DNAJB4: variants seen among roughly 807,000 people sequenced by gnomAD.
The protein encoded by DNAJB4 is dnaJ homolog subfamily B member 4.
In DNAJB4, 10 loss-of-function variants were observed where a neutral mutation model predicts 26.6. That is an observed-to-expected ratio of 0.38 (90% CI 0.23 to 0.64). The LOEUF is 0.64. DNAJB4 is among the 30% of genes least tolerant of loss of function. The probability of loss-of-function intolerance (pLI) is 0.58; values close to 1 mark genes in which losing one functional copy is unlikely to be tolerated. For missense variants in DNAJB4, 328 were observed against 408.2 expected (o/e 0.80, Z 1.69); for synonymous variants, 136 against 134.8 (o/e 1.01, Z -0.06).
intron 1 of DNAJB4, 110 bp downstream of exon 1, chr1:78,005,431 T>C: frequency 1.1e-6 from 1 of 907,544 alleles, no homozygotes; most frequent in Non-Finnish European, 1.6e-6. Context: ...AGGTTATCCT[T>C]AAATTGGATT....
Position 78,016,375 on chromosome 1 carries a change from T to C in DNAJB4, c.*128T>C. 1 of 772,578 alleles carries C rather than the reference T, an allele frequency of 1.3e-6. No homozygotes were observed. The highest frequency in any genetic ancestry group is 2.0e-6 in the Non-Finnish European group (1 of 492,480). The allele number at this position is 772,578 out of a possible 1,614,324, so 47.9% of individuals were successfully genotyped here. A position where few individuals can be genotyped will look rare whatever the true frequency, so the allele number is the denominator to read the frequency against. ...TCTTTTGAGGGTTCATTAAATTGCATGAATAGAGACGGGTCAAATAAATAG... is the reference window on the plus strand; with the variant it reads ...TCTTTTGAGGGTTCATTAAATTGCACGAATAGAGACGGGTCAAATAAATAG... On this transcript the variant is annotated 3_prime_UTR_variant, in exon 3 of 3. Coordinates refer to ENST00000370763, the MANE Select transcript of DNAJB4 (RefSeq NM_007034.5).
chr1:78,006,694 A>C (rs1660337469), intron 1 of DNAJB4, among the ~76,000 whole-genome samples: 1 of 152,158 alleles, frequency 6.6e-6, no homozygotes, highest in Admixed American at 6.5e-5. Context: ...GTAAATATTG[A>C]AAAAGGCAAA....
chr1:77,992,459 A>AAT (rs1659956184), intron 1 of DNAJB4, among the ~76,000 whole-genome samples: 1 of 151,362 alleles, frequency 6.6e-6, no homozygotes, highest in Non-Finnish European at 1.5e-5. Flanking sequence ...ATGAGAATCA[A>AAT]CTACTTCAGG....
intron 1 of DNAJB4, among the ~76,000 whole-genome samples, chr1:78,009,369 AT>A (rs1660409059): frequency 6.6e-6 from 1 of 152,180 alleles, no homozygotes; most frequent in South Asian, 2.1e-4. Context: ...AGTGGGAATC[AT>A]TGTTATAGAT....
Position 78,016,140 on chromosome 1 carries a change from A to T in DNAJB4, c.907A>T (p.Asn303Tyr). ...IIGYGLPFPK[N>Y]PDQRGDLLIE... is the part of the protein sequence containing the mutation. ...TGGATATGGGCTGCCATTTCCAAAAAATCCTGACCAACGTGGTGACCTTCT... is the reference window on the plus strand; with the variant it reads ...TGGATATGGGCTGCCATTTCCAAAATATCCTGACCAACGTGGTGACCTTCT... The change falls in exon 3 of 3, where the codon AAT (asparagine) becomes TAT (tyrosine). Residue 303 changes from asparagine (N) to tyrosine (Y), a missense_variant. Physicochemically the swap from Asn to Tyr is moderately radical, Grantham distance 143 (BLOSUM62 -2). Transcript: ENST00000370763. 1 of 1,614,184 alleles carries T rather than the reference A, an allele frequency of 6.2e-7. No homozygotes were observed. Among genetic ancestry groups the T allele is most frequent in the Middle Eastern group, 1.6e-4 (1 of 6,062 alleles).
intron 1 of DNAJB4, among the ~76,000 whole-genome samples, chr1:77,980,968 C>G (rs944139510): frequency 6.6e-6 from 1 of 151,972 alleles, no homozygotes; most frequent in African/African-American, 2.4e-5. Context: ...GTTGGGTGTG[C>G]GGCTAGGTAG....
chr1:77,988,081 A>G (rs1210669131), intron 1 of DNAJB4, among the ~76,000 whole-genome samples: 7 of 130,508 alleles, frequency 5.4e-5, no homozygotes, highest in Non-Finnish European at 1.1e-4. Context: ...GCTTGAGTGC[A>G]GTGTATAATC....
intron 1 of DNAJB4, among the ~76,000 whole-genome samples, chr1:78,007,290 C>G (rs544022076): frequency 6.6e-6 from 1 of 151,928 alleles, no homozygotes; most frequent in Non-Finnish European, 1.5e-5. Flanking sequence ...CTTGAAAATA[C>G]AATTGAATGG....
At chr1:77,983,707 G>T (rs558690025) in intron 1 of DNAJB4, among the ~76,000 whole-genome samples, 5 of 152,228 alleles carry the variant, frequency 3.3e-5, no homozygotes, top group Non-Finnish European at 7.4e-5. Context: ...AGGGTTGGGG[G>T]TAAGGTTATA....
At chr1:78,000,268 T>C (rs1405859412), upstream of DNAJB4, among the ~76,000 whole-genome samples, 1 of 152,218 alleles carries the variant, frequency 6.6e-6, no homozygotes, top group African/African-American at 2.4e-5. Flanking sequence ...GCCAGCACTT[T>C]GGTATTCCTC....
At chr1:78,001,438 G>C (rs1290668243), upstream of DNAJB4, among the ~76,000 whole-genome samples, 1 of 152,060 alleles carries the variant, frequency 6.6e-6, no homozygotes, top group Non-Finnish European at 1.5e-5. Context: ...TAAAATATGA[G>C]AAGTCATTTG....
intron 1 of DNAJB4, among the ~76,000 whole-genome samples, chr1:78,006,475 A>T (rs982802124): frequency 6.6e-6 from 1 of 152,174 alleles, no homozygotes; most frequent in Non-Finnish European, 1.5e-5. Flanking sequence ...AAATTTTCCT[A>T]ATTAGAAATA....
upstream of DNAJB4, among the ~76,000 whole-genome samples, chr1:78,002,095 A>G (rs1322941361): frequency 6.6e-6 from 1 of 152,200 alleles, no homozygotes. Context: ...TATTCCATAT[A>G]GACTATTTCT....
intron 2 of DNAJB4, among the ~76,000 whole-genome samples, chr1:78,014,422 C>T (rs1660579322): frequency 6.6e-6 from 1 of 151,766 alleles, no homozygotes; most frequent in Non-Finnish European, 1.5e-5. Context: ...TGTACTATTT[C>T]TCAAATTGGA....
In DNAJB4 at chr1:78,017,751, A is replaced by G. The variant is rs1365752335; in HGVS notation, c.*1504A>G. ...TGTTCTGGACATTTCACATAAATAG[A>G]CTCAAACAATATATGGCTTTTTTTT... On this transcript the variant is annotated 3_prime_UTR_variant, in exon 3 of 3. Transcript: ENST00000370763. 1 of 142,406 alleles carries G rather than the reference A, an allele frequency of 7.0e-6. No homozygotes were observed. Among genetic ancestry groups the G allele is most frequent in the African/African-American group, 2.6e-5 (1 of 38,268 alleles). 8.8% of individuals were successfully genotyped at this position (142,406 alleles called of 1,614,324 possible).
chr1:77,992,409 T>C (rs1362284371), intron 1 of DNAJB4, among the ~76,000 whole-genome samples: 1 of 26,320 alleles, frequency 3.8e-5, no homozygotes, highest in Admixed American at 6.3e-4. Context: ...CGAGACTCCG[T>C]CTCAAAAAAA....
At chr1:77,982,722 CG>C (rs1659687042) in intron 1 of DNAJB4, among the ~76,000 whole-genome samples, 1 of 152,192 alleles carries the variant, frequency 6.6e-6, no homozygotes, top group African/African-American at 2.4e-5. Context: ...TGCCTGAACC[CG>C]GGACGGGGAG....
chr1:77,989,849 G>A (rs1209953404), intron 1 of DNAJB4, among the ~76,000 whole-genome samples: 1 of 152,192 alleles, frequency 6.6e-6, no homozygotes, highest in Non-Finnish European at 1.5e-5. Flanking sequence ...CTGTGTCATA[G>A]ACGTCTACCT....
chr1:77,998,667 T>G (rs1660121462), intron 1 of DNAJB4, among the ~76,000 whole-genome samples: 1 of 151,764 alleles, frequency 6.6e-6, no homozygotes, highest in African/African-American at 2.4e-5. Flanking sequence ...TGGCGAAACC[T>G]CATCTGTACT....
Sources: allele counts gnomAD v4.1 joint callset (sites outside exome capture counted in the v4.1 genomes callset), GRCh38; gene constraint gnomAD v4.1.1; transcripts MANE v1.5; gene names NCBI Gene and HGNC (gene_info 2026-07-23, HGNC 2026-07-21).